The following NTM variants were observed in gnomAD, a reference collection of about 807,000 sequenced individuals.
NTM encodes neurotrimin.
A neutral mutation model predicts 42.1 loss-of-function variants in NTM; 13 were observed. That is an observed-to-expected ratio of 0.31 (90% CI 0.20 to 0.49). The LOEUF (loss-of-function observed/expected upper bound fraction) is 0.49. Ranked by LOEUF, NTM falls within the 20% of genes least tolerant of loss-of-function variation. The pLI is 0.99. For synonymous variants in NTM, 187 were observed against 179.2 expected (o/e 1.04, Z -0.35); for missense variants, 373 against 452.8 (o/e 0.82, Z 1.60).
intron 1 of NTM, among the ~76,000 whole-genome samples, chr11:131,428,796 A>T (rs536566464): frequency 1.1e-4 from 16 of 147,484 alleles, no homozygotes; most frequent in Non-Finnish European, 2.2e-4. Context: ...GCACTTTGGG[A>T]GGCTGAGGCG....
intron 2 of NTM, among the ~76,000 whole-genome samples, chr11:132,091,565 C>T (rs1242012952): frequency 3.3e-5 from 5 of 152,008 alleles, no homozygotes; most frequent in African/African-American, 4.8e-5. Flanking sequence ...ACTGCAGCCT[C>T]GACCTCCCTG....
intron 1 of NTM, among the ~76,000 whole-genome samples, chr11:131,892,350 G>T (rs139317294): frequency 1.3e-5 from 2 of 152,326 alleles, no homozygotes; most frequent in Admixed American, 1.3e-4. Flanking sequence ...CAAAGAGAGA[G>T]AATCTTTCTC....
At chr11:131,492,312 G>C (rs1187991826) in intron 1 of NTM, among the ~76,000 whole-genome samples, 1 of 151,616 alleles carries the variant, frequency 6.6e-6, no homozygotes, top group Non-Finnish European at 1.5e-5. Flanking sequence ...TCATCACCCA[G>C]CTATCAGTGG....
rs7121507 is a variant in NTM, at chr11:131,653,864, G to A, written c.83-257700G>A. Among the ~76,000 whole-genome samples the A allele has an allele frequency of 7.0e-3, 1,073 of 152,356 alleles. 11 individuals are homozygous for A. The highest frequency in any genetic ancestry group is 0.024 in the African/African-American group (1,014 of 41,582). On this transcript the variant is annotated intron_variant, in intron 1 of 8. Coordinates refer to ENST00000683400, the MANE Select transcript of NTM (RefSeq NM_001352005.2). ...CTGGAAATTATATAATTTCATGCAA[G>A]TAAAATTCCTGTCTCAGGTTGTTAC...
chr11:131,735,350 G>A (rs2080277858), intron 1 of NTM, among the ~76,000 whole-genome samples: 1 of 152,190 alleles, frequency 6.6e-6, no homozygotes, highest in Non-Finnish European at 1.5e-5. Context: ...TGCCTCCATC[G>A]GAAACATAGA....
intron 2 of NTM, among the ~76,000 whole-genome samples, chr11:132,069,094 C>G (rs1272085273): frequency 6.6e-6 from 1 of 151,574 alleles, no homozygotes; most frequent in South Asian, 2.1e-4. Context: ...CAAGTTAACA[C>G]AACAAACTGA....
intron 2 of NTM, among the ~76,000 whole-genome samples, chr11:131,982,364 A>G (rs1044947683): frequency 1.3e-5 from 2 of 152,190 alleles, no homozygotes; most frequent in African/African-American, 4.8e-5. Context: ...AAGAGAAAGA[A>G]GGGGCAAGAA....
chr11:131,658,853 C>T (rs919636670), intron 1 of NTM, among the ~76,000 whole-genome samples: 4 of 152,088 alleles, frequency 2.6e-5, no homozygotes, highest in Non-Finnish European at 5.9e-5. Context: ...CACCTGTAAT[C>T]CCAGCTTCTC....
chr11:131,752,616 A>G (rs1258302527), intron 1 of NTM, among the ~76,000 whole-genome samples: 1 of 152,200 alleles, frequency 6.6e-6, no homozygotes, highest in Admixed American at 6.5e-5. Context: ...ACTATTCACA[A>G]TAGCAAAGAC....
intron 1 of NTM, among the ~76,000 whole-genome samples, chr11:131,830,064 T>C (rs1225701712): frequency 6.6e-6 from 1 of 152,212 alleles, no homozygotes; most frequent in African/African-American, 2.4e-5. Context: ...AAGTTTATTA[T>C]GCATTCTCCA....
chr11:132,040,613 C>T (rs546194601), intron 2 of NTM, among the ~76,000 whole-genome samples: 1 of 152,316 alleles, frequency 6.6e-6, no homozygotes, highest in South Asian at 2.1e-4. Context: ...GATCCTTCTC[C>T]TTATGCTAAG....
chr11:131,757,413 CA>C (rs1367195996), intron 1 of NTM, among the ~76,000 whole-genome samples: 4 of 152,214 alleles, frequency 2.6e-5, no homozygotes, highest in African/African-American at 7.2e-5. Flanking sequence ...TATACCAGGT[CA>C]CACCGTTTTC....
chr11:131,746,260 G>C (rs138793332), intron 1 of NTM, among the ~76,000 whole-genome samples: 28 of 152,306 alleles, frequency 1.8e-4, no homozygotes, highest in African/African-American at 5.1e-4. Flanking sequence ...AACCATCAGG[G>C]ACGGACATCT....
chr11:132,063,139 G>A (rs2080933316), intron 2 of NTM, among the ~76,000 whole-genome samples: 1 of 152,136 alleles, frequency 6.6e-6, no homozygotes, highest in Admixed American at 6.5e-5. Context: ...CTTCTCCTGT[G>A]TCCTCATGTG....
At chr11:132,047,475 C>A (rs1375670755) in intron 2 of NTM, among the ~76,000 whole-genome samples, 2 of 152,236 alleles carry the variant, frequency 1.3e-5, no homozygotes, top group African/African-American at 2.4e-5. Context: ...GCTGTGCTTC[C>A]AATTCAAATG....
At chr11:131,691,771 G>A (rs897846184) in intron 1 of NTM, among the ~76,000 whole-genome samples, 5 of 152,188 alleles carry the variant, frequency 3.3e-5, no homozygotes, top group Non-Finnish European at 7.4e-5. Flanking sequence ...GGGCGCAGCG[G>A]TCCCGGGGCT....
At chr11:131,754,580 G>C (rs1396863425) in intron 1 of NTM, among the ~76,000 whole-genome samples, 1 of 150,754 alleles carries the variant, frequency 6.6e-6, no homozygotes, top group East Asian at 2.0e-4. Flanking sequence ...AGCCGAGATT[G>C]CACCACTGCA....
intron 1 of NTM, among the ~76,000 whole-genome samples, chr11:131,710,730 C>T (rs146886747): frequency 2.1e-4 from 32 of 152,268 alleles, no homozygotes; most frequent in East Asian, 1.7e-3. Context: ...ACAGAGTCTG[C>T]GGTTTGCAAG....
chr11:131,922,340 A>G (rs1192673484), intron 2 of NTM: 1 of 152,072 alleles, frequency 6.6e-6, no homozygotes, highest in Non-Finnish European at 1.5e-5. Context: ...ACGCTTCTTC[A>G]CTCTGGTCCT....
Sources: allele counts gnomAD v4.1 joint callset (sites outside exome capture counted in the v4.1 genomes callset), GRCh38; gene constraint gnomAD v4.1.1; transcripts MANE v1.5; gene names NCBI Gene and HGNC (gene_info 2026-07-23, HGNC 2026-07-21).